The following FBN1 variants were observed in gnomAD, a reference collection of about 807,000 sequenced individuals.
The protein encoded by FBN1 is fibrillin-1.
A neutral mutation model predicts 365.1 loss-of-function variants in FBN1; 29 were observed. The observed-to-expected ratio is 0.08, with a 90% CI of 0.06 to 0.11. FBN1 has a LOEUF of 0.11. Ranked by LOEUF, FBN1 falls within the 10% of genes least tolerant of loss-of-function variation. The probability of loss-of-function intolerance (pLI) is 1.00; values close to 1 mark genes in which losing one functional copy is unlikely to be tolerated. For synonymous variants in FBN1, 1,210 were observed against 1,270.5 expected (o/e 0.95, Z 1.01); for missense variants, 2,476 against 3,703.2 (o/e 0.67, Z 8.60).
chr15:48,547,721 TCACACACACACACACACACACACA>T (rs57915350), intron 6 of FBN1, among the ~76,000 whole-genome samples: 21 of 131,222 alleles, frequency 1.6e-4, no homozygotes, highest in Middle Eastern at 3.9e-3. Context: ...CTTCTCTCTT[TCACACACACACACACACACACACA>T]CACACACACA....
chr15:48,512,449 G>T lies in FBN1; in HGVS notation c.1588+1100C>A, dbSNP rs1248419866. Among the ~76,000 whole-genome samples the T allele has an allele frequency of 3.3e-5, 5 of 152,240 alleles. No homozygotes were observed. In the East Asian group the frequency reaches 7.7e-4, roughly 24 times the overall value. On this transcript the variant is annotated intron_variant, in intron 13 of 65. Transcript: ENST00000316623. The stretch of plus-strand genomic sequence containing the variant: ...CAGGTATTAAGCCTACTACCCATTG[G>T]TTATTTTTCCTGATCCTCTCCCTCC...
At chr15:48,472,123 G>C (rs1385558620) in intron 35 of FBN1, among the ~76,000 whole-genome samples, 1 of 152,218 alleles carries the variant, frequency 6.6e-6, no homozygotes. Flanking sequence ...AAATACAGTG[G>C]AGATTAAAAC....
At chr15:48,544,399 T>C (rs771669957) in intron 6 of FBN1, among the ~76,000 whole-genome samples, 12 of 152,222 alleles carry the variant, frequency 7.9e-5, no homozygotes, top group Admixed American at 2.6e-4. Context: ...GGCTTAATTG[T>C]AACTAAATGT....
rs562933997 is a variant in FBN1, at chr15:48,537,222, A to T, written c.736+389T>A. ...AGGTCAATTAAGCACAACCCATGAG[A>T]GAGGAACTCAACAGTTTCAAATGAA... On this transcript the variant is annotated intron_variant, in intron 7 of 65. Coordinates refer to ENST00000316623, the MANE Select transcript of FBN1 (RefSeq NM_000138.5). Among the ~76,000 whole-genome samples the T allele has an allele frequency of 1.2e-4, 18 of 152,334 alleles. No individual in the cohort carries two copies. In the South Asian group the frequency reaches 3.5e-3, roughly 30 times the overall value.
chr15:48,475,849 C>G (rs956427839), intron 32 of FBN1, among the ~76,000 whole-genome samples: 6 of 152,104 alleles, frequency 3.9e-5, no homozygotes, highest in Admixed American at 2.0e-4. Flanking sequence ...AGAGCAAACA[C>G]AAAATGAAAT....
intron 4 of FBN1, among the ~76,000 whole-genome samples, chr15:48,602,688 T>C (rs1484014047): frequency 6.6e-6 from 1 of 152,222 alleles, no homozygotes; most frequent in Non-Finnish European, 1.5e-5. Context: ...CTGATTGCAG[T>C]TATTTTAGGC....
Position 48,448,143 on chromosome 15 carries a change from A to G in FBN1, c.5671+625T>C, listed in dbSNP as rs112707885. Among the ~76,000 whole-genome samples the G allele has an allele frequency of 2.9e-3, 438 of 152,254 alleles. 2 individuals are homozygous for G. The highest frequency in any genetic ancestry group is 4.3e-3 in the South Asian group (21 of 4,828). Reference sequence around the variant, plus strand: ...CAAGGACTTAAACATTACTATATTAATTGTTCTTTCAGCTGTGAATCTGAT... The same window carrying G: ...CAAGGACTTAAACATTACTATATTAGTTGTTCTTTCAGCTGTGAATCTGAT... On this transcript the variant is annotated intron_variant, in intron 46 of 65. Transcript: ENST00000316623.
chr15:48,433,294 A>AG lies in FBN1; in HGVS notation c.6617-307dup, dbSNP rs1355143779. Among the ~76,000 whole-genome samples the AG allele has an allele frequency of 1.2e-4, 18 of 152,250 alleles. 1 individual carries two copies. The highest frequency in any genetic ancestry group is 3.4e-3 in the Middle Eastern group (1 of 294). The stretch of plus-strand genomic sequence containing the variant: ...GAAATTACAGGCCACCCAACATTTG[A>AG]GGGGCTCTTCTGAAATTTTGGCTTA... On this transcript the variant is annotated intron_variant, in intron 54 of 65. Coordinates refer to ENST00000316623, the MANE Select transcript of FBN1 (RefSeq NM_000138.5).
At chr15:48,493,010 C>A in intron 23 of FBN1, among the ~76,000 whole-genome samples, 1 of 152,214 alleles carries the variant, frequency 6.6e-6, no homozygotes, top group South Asian at 2.1e-4. Flanking sequence ...GAAAAATATC[C>A]CACCAAGGAA....
At chr15:48,456,092 G>A (rs770132162) in intron 44 of FBN1, among the ~76,000 whole-genome samples, 1 of 152,190 alleles carries the variant, frequency 6.6e-6, no homozygotes, top group Non-Finnish European at 1.5e-5. Flanking sequence ...CCGAATCACA[G>A]TACATATACA....
intron 3 of FBN1, among the ~76,000 whole-genome samples, chr15:48,611,581 A>G (rs767248246): frequency 3.3e-5 from 5 of 152,176 alleles, no homozygotes; most frequent in Non-Finnish European, 7.4e-5. Flanking sequence ...TTTAATGTTT[A>G]ATTTTTATCC....
At chr15:48,515,207 G>A (rs371790584) in intron 12 of FBN1, among the ~76,000 whole-genome samples, 180 bp downstream of exon 12, 52 of 152,326 alleles carry the variant, frequency 3.4e-4, no homozygotes, top group African/African-American at 1.3e-3. Flanking sequence ...ACACCTGGAT[G>A]TTAGCCCAGT....
intron 2 of FBN1, among the ~76,000 whole-genome samples, chr15:48,629,706 C>T (rs758847470): frequency 2.0e-5 from 3 of 152,182 alleles, no homozygotes; most frequent in Admixed American, 6.5e-5. Context: ...TTGATAAATG[C>T]TGAAGCTGGA....
At position 48,409,965 on chromosome 15, in the gene FBN1, T is replaced by G. The variant is rs1390479536; in HGVS notation, c.*1025A>C. 1 of 152,556 alleles carries G rather than the reference T, an allele frequency of 6.6e-6. No homozygotes were observed. Among genetic ancestry groups the G allele is most frequent in the Non-Finnish European group, 1.5e-5 (1 of 68,042 alleles). The allele number at this position is 152,556 out of a possible 1,614,324, so 9.5% of individuals were successfully genotyped here. ...AGTGGTTATACATTTGGTACTTTCA[T>G]AAGCCATAAGTAAGAGACCCAGGAT... On this transcript the variant is annotated 3_prime_UTR_variant, in exon 66 of 66. Transcript: ENST00000316623.
At chr15:48,441,624 T>G in intron 50 of FBN1, 97 bp downstream of exon 50, 1 of 1,460,738 alleles carries the variant, frequency 6.8e-7, no homozygotes, top group East Asian at 2.3e-5. Context: ...TCCATCTTCC[T>G]GTTCACAAAG....
chr15:48,509,990 T>G (rs2043744950), intron 14 of FBN1, 54 bp downstream of exon 14: 3 of 1,591,982 alleles, frequency 1.9e-6, no homozygotes, highest in African/African-American at 1.4e-5. Context: ...TAAAGACCCC[T>G]GATATTGAAA....
intron 6 of FBN1, among the ~76,000 whole-genome samples, chr15:48,564,378 T>C (rs898936826): frequency 4.6e-5 from 7 of 152,156 alleles, no homozygotes; most frequent in African/African-American, 1.7e-4. Flanking sequence ...AAAGCATTTC[T>C]GTGATACAAA....
At chr15:48,548,062 C>A (rs948136331) in intron 6 of FBN1, among the ~76,000 whole-genome samples, 1 of 152,304 alleles carries the variant, frequency 6.6e-6, no homozygotes, top group Non-Finnish European at 1.5e-5. Flanking sequence ...AGATTCCTGA[C>A]AAAAATCAGT....
intron 8 of FBN1, 139 bp from the exon 9 acceptor site, chr15:48,526,394 G>T: frequency 1.2e-6 from 1 of 842,860 alleles, no homozygotes; most frequent in Non-Finnish European, 1.9e-6. Flanking sequence ...ACCGCATGGA[G>T]AACAGTCAAT....
Sources: allele counts gnomAD v4.1 joint callset (sites outside exome capture counted in the v4.1 genomes callset), GRCh38; gene constraint gnomAD v4.1.1; transcripts MANE v1.5; gene names NCBI Gene and HGNC (gene_info 2026-07-23, HGNC 2026-07-21).